Variants in FAF1 observed in about 807,000 individuals in gnomAD.
The protein encoded by FAF1 is Fas associated factor 1.
In FAF1, 25 loss-of-function variants were observed where a neutral mutation model predicts 92.5. The ratio of observed to expected loss-of-function variants is 0.27; its 90% CI spans 0.20 to 0.38. FAF1 has a LOEUF of 0.38. FAF1 is among the 10% of genes least tolerant of loss of function. The probability of loss-of-function intolerance (pLI) is 1.00; values close to 1 mark genes in which losing one functional copy is unlikely to be tolerated. For missense variants in FAF1, 636 were observed against 793.3 expected (o/e 0.80, Z 2.38); for synonymous variants, 234 against 273.2 (o/e 0.86, Z 1.42).
intron 3 of FAF1, among the ~76,000 whole-genome samples, chr1:50,797,221 T>A (rs1354214416): frequency 6.6e-6 from 1 of 152,098 alleles, no homozygotes; most frequent in African/African-American, 2.4e-5. Flanking sequence ...TAACATTTAA[T>A]GAGACCCAAA....
At chr1:50,868,087 G>T (rs575115051) in intron 1 of FAF1, among the ~76,000 whole-genome samples, 1 of 152,096 alleles carries the variant, frequency 6.6e-6, no homozygotes, top group Admixed American at 6.5e-5. Context: ...AAGGAAAACC[G>T]AACATTGCAT....
chr1:50,724,292 C>CACATACACAT (rs1658543092), intron 6 of FAF1, among the ~76,000 whole-genome samples: 1 of 122,622 alleles, frequency 8.2e-6, no homozygotes, highest in Non-Finnish European at 1.7e-5. Flanking sequence ...CACACACACA[C>CACATACACAT]ACATACACAC....
At chr1:50,934,084 C>G (rs977562465) in intron 1 of FAF1, among the ~76,000 whole-genome samples, 1 of 152,136 alleles carries the variant, frequency 6.6e-6, no homozygotes, top group Non-Finnish European at 1.5e-5. Context: ...TTTATCTCTT[C>G]TATTAGCTTT....
At chr1:50,959,115 T>C (rs1269832806) in intron 1 of FAF1, among the ~76,000 whole-genome samples, 1 of 152,190 alleles carries the variant, frequency 6.6e-6, no homozygotes, top group Non-Finnish European at 1.5e-5. Context: ...TTCAAGTCTG[T>C]AGGGGAGGGG....
intron 7 of FAF1, among the ~76,000 whole-genome samples, chr1:50,665,751 A>G (rs1655588288): frequency 6.6e-6 from 1 of 152,224 alleles, no homozygotes; most frequent in Non-Finnish European, 1.5e-5. Flanking sequence ...CTAATATGGA[A>G]GAATATTTGG....
intron 13 of FAF1, among the ~76,000 whole-genome samples, chr1:50,544,985 G>C (rs1648939281): frequency 6.6e-6 from 1 of 151,922 alleles, no homozygotes; most frequent in Non-Finnish European, 1.5e-5. Context: ...GACAAAAATT[G>C]ATGAGTTTTA....
At chr1:50,851,441 T>A (rs1644348363) in intron 2 of FAF1, among the ~76,000 whole-genome samples, 1 of 152,238 alleles carries the variant, frequency 6.6e-6, no homozygotes, top group African/African-American at 2.4e-5. Context: ...AGAATTAGCA[T>A]GAAGCCTCTA....
In FAF1 at chr1:50,842,034, G is replaced by A. The variant is rs560103332; in HGVS notation, c.114+15895C>T. Among the ~76,000 whole-genome samples the A allele has an allele frequency of 3.9e-5, 6 of 151,976 alleles. No homozygotes were observed. In the South Asian group the frequency reaches 1.2e-3, roughly 32 times the overall value. Reference sequence around the variant, plus strand: ...CTTCCTGACTGACCAGGAATGCAAGGGCCTCATTATACTTTCTAACTTACT... The same window carrying A: ...CTTCCTGACTGACCAGGAATGCAAGAGCCTCATTATACTTTCTAACTTACT... On this transcript the variant is annotated intron_variant, in intron 2 of 18. Coordinates refer to ENST00000396153, the MANE Select transcript of FAF1 (RefSeq NM_007051.3).
intron 7 of FAF1, among the ~76,000 whole-genome samples, chr1:50,675,413 C>T (rs556063712): frequency 7.2e-5 from 11 of 152,236 alleles, no homozygotes; most frequent in Admixed American, 6.5e-4. Context: ...GCCTTTGTTT[C>T]GAGGATACAA....
chr1:50,698,828 CT>C (rs979929156), intron 7 of FAF1, among the ~76,000 whole-genome samples: 3 of 151,994 alleles, frequency 2.0e-5, no homozygotes, highest in Non-Finnish European at 4.4e-5. Context: ...ATGCTACCTT[CT>C]TAAATGAAGT....
rs1387720407 is a variant in FAF1, at chr1:50,662,856, G to A, written c.658-7328C>T. Among the ~76,000 whole-genome samples the A allele has an allele frequency of 6.1e-5, 9 of 148,202 alleles. 1 individual carries two copies. The highest frequency in any genetic ancestry group is 2.4e-4 in the African/African-American group (9 of 38,106). The stretch of plus-strand genomic sequence containing the variant: ...GCTGGGACTGCAGGCACCCACTAGC[G>A]CGCCCGGCTAATTTTTTGTATTTTT... On this transcript the variant is annotated intron_variant, in intron 7 of 18. Transcript: ENST00000396153.
At chr1:50,711,655 C>T (rs1657937609) in intron 6 of FAF1, among the ~76,000 whole-genome samples, 1 of 151,894 alleles carries the variant, frequency 6.6e-6, no homozygotes, top group South Asian at 2.1e-4. Flanking sequence ...TTAGTAGAGA[C>T]AAGGTTTTAC....
At chr1:50,787,881 G>A in intron 4 of FAF1, 119 bp downstream of exon 4, 1 of 739,400 alleles carries the variant, frequency 1.4e-6, no homozygotes, top group Non-Finnish European at 2.3e-6. Context: ...AAAGTTACCA[G>A]TTTCAACTTG....
chr1:50,833,084 C>T (rs1354145430), intron 2 of FAF1, among the ~76,000 whole-genome samples: 1 of 152,094 alleles, frequency 6.6e-6, no homozygotes, highest in Non-Finnish European at 1.5e-5. Flanking sequence ...TGAACACCAA[C>T]TGGGTCTCCA....
At chr1:50,560,313 C>T (rs193104711) in intron 13 of FAF1, among the ~76,000 whole-genome samples, 37 of 152,348 alleles carry the variant, frequency 2.4e-4, no homozygotes, top group Admixed American at 2.3e-3. Context: ...GGAAAACTAT[C>T]ACTTGAATAT....
chr1:50,756,932 G>A (rs1187845109), intron 4 of FAF1, among the ~76,000 whole-genome samples: 1 of 152,192 alleles, frequency 6.6e-6, no homozygotes, highest in African/African-American at 2.4e-5. Context: ...AGATTTGGAA[G>A]GGACACAGCC....
chr1:50,666,204 G>A (rs1283345341), intron 7 of FAF1, among the ~76,000 whole-genome samples: 5 of 151,354 alleles, frequency 3.3e-5, no homozygotes, highest in South Asian at 2.1e-4. Flanking sequence ...ATAAGCAACC[G>A]CGCCCGGCTG....
At chr1:50,705,744 T>C in intron 7 of FAF1, 42 bp downstream of exon 7, 2 of 1,129,812 alleles carry the variant, frequency 1.8e-6, no homozygotes, top group East Asian at 2.3e-5. Flanking sequence ...ACATTAGCTA[T>C]AATGAGCTAC....
intron 17 of FAF1, 49 bp from the exon 18 acceptor site, chr1:50,475,728 T>C (rs766593250): frequency 8.5e-6 from 11 of 1,298,650 alleles, no homozygotes; most frequent in South Asian, 2.7e-5. Flanking sequence ...GACTGGACTA[T>C]GGAGAGTGGG....
Sources: allele counts gnomAD v4.1 joint callset (sites outside exome capture counted in the v4.1 genomes callset), GRCh38; gene constraint gnomAD v4.1.1; transcripts MANE v1.5; gene names NCBI Gene and HGNC (gene_info 2026-07-23, HGNC 2026-07-21).